The following LHX6 variants were observed in gnomAD, a reference collection of about 807,000 sequenced individuals.
LHX6 encodes the protein LIM/homeobox protein Lhx6.
LHX6 carries 15 observed loss-of-function variants against 47.1 expected under a neutral mutation model. That is an observed-to-expected ratio of 0.32 (90% CI 0.21 to 0.49). The LOEUF (loss-of-function observed/expected upper bound fraction) is 0.49, where lower values mean the gene tolerates loss of function less well. Ranked by LOEUF, LHX6 falls within the 20% of genes least tolerant of loss-of-function variation. The pLI, the probability that LHX6 is intolerant of heterozygous loss-of-function variation, is 0.99. For missense variants in LHX6, 404 were observed against 539.6 expected (o/e 0.75, Z 2.49); for synonymous variants, 242 against 233.5 (o/e 1.04, Z -0.33).
Position 122,228,819 on chromosome 9 carries a change from G to A in LHX6, c.-79C>T. 2.0e-6 allele frequency: 2 copies of A among 1,007,656 alleles called. No homozygotes were observed. Among genetic ancestry groups the A allele is most frequent in the Non-Finnish European group, 2.5e-6 (2 of 790,896 alleles). The allele number at this position is 1,007,656 out of a possible 1,614,324, so 62.4% of individuals were successfully genotyped here. Reference sequence around the variant, plus strand: ...GGGGACCACAGCCGCAGTGGGAGCAGAGGCTGCTGCAGGAGCAGGAGGAGA... The same window carrying A: ...GGGGACCACAGCCGCAGTGGGAGCAAAGGCTGCTGCAGGAGCAGGAGGAGA... On this transcript the variant is annotated 5_prime_UTR_variant, in exon 1 of 10. Coordinates refer to ENST00000394319, the MANE Select transcript of LHX6 (RefSeq NM_014368.5).
rs1043100017 is a variant in LHX6 at position 122,228,835 on chromosome 9, CAGG to C, written c.-98_-96del. On this transcript the variant is annotated 5_prime_UTR_variant, in exon 1 of 10. Transcript: ENST00000394319. ...GTGGGAGCAGAGGCTGCTGCAGGAG[CAGG>C]AGGAGAGCCGAGGCGCCGGCCCCGC... 3.4e-5 allele frequency: 30 copies of C among 870,106 alleles called. No individual in the cohort carries two copies. The African/African-American group carries it at 4.1e-4, about 12-fold the overall frequency. The allele number at this position is 870,106 out of a possible 1,614,324, so 53.9% of individuals were successfully genotyped here.
Position 122,203,060 on chromosome 9 carries a change from C to G in LHX6, c.*1700G>C, listed in dbSNP as rs1245372935. The G allele has an allele frequency of 1.3e-5, 2 of 152,672 alleles. No homozygotes were observed. Among genetic ancestry groups the G allele is most frequent in the Non-Finnish European group, 2.9e-5 (2 of 68,054 alleles). 9.5% of individuals were successfully genotyped at this position (152,672 alleles called of 1,614,324 possible). Reference sequence around the variant, plus strand: ...AGGGCTGGGCACAAGTTACCACTGACTGAGTGCTGAGCTGAGCTGTACTCA... The same window carrying G: ...AGGGCTGGGCACAAGTTACCACTGAGTGAGTGCTGAGCTGAGCTGTACTCA... On this transcript the variant is annotated 3_prime_UTR_variant, in exon 10 of 10. Coordinates refer to ENST00000394319, the MANE Select transcript of LHX6 (RefSeq NM_014368.5).
rs776800689 is a variant in LHX6, at chr9:122,226,474, C to T, written c.363G>A (p.Val121=). The T allele has an allele frequency of 3.7e-6, 6 of 1,613,566 alleles. No individual in the cohort carries two copies. The South Asian group carries it at 4.4e-5, about 12-fold the overall frequency. ...LLKVNNLIWH[V]RCLECSVCRT... is the part of the protein sequence containing the mutation. ...GACACACGGAGCACTCGAGGCACCGCACGTGCCAGATGAGGTTGTTGACCT... is the reference window on the plus strand; with the variant it reads ...GACACACGGAGCACTCGAGGCACCGTACGTGCCAGATGAGGTTGTTGACCT... The change falls in exon 4 of 10, where the codon GTG becomes GTA. Residue 121 remains valine (V), a synonymous_variant. Transcript: ENST00000394319. The surrounding 1 kb of genome is among the most constrained non-coding windows in gnomAD (Gnocchi z 6.5).
In LHX6 at chr9:122,217,412, G is replaced by T; in HGVS notation, c.462-124C>A. 1 of 707,676 alleles carries T rather than the reference G, an allele frequency of 1.4e-6. No individual in the cohort carries two copies. The highest frequency in any genetic ancestry group is 2.4e-6 in the Non-Finnish European group (1 of 424,226). The allele number at this position is 707,676 out of a possible 1,614,324, so 43.8% of individuals were successfully genotyped here. A position where few individuals can be genotyped will look rare whatever the true frequency, so the allele number is the denominator to read the frequency against. On this transcript the variant is annotated intron_variant, in intron 4 of 9. Coordinates refer to ENST00000394319, the MANE Select transcript of LHX6 (RefSeq NM_014368.5). This position sits in a 1 kb window ranked among gnomAD's most constrained non-coding sequence, Gnocchi z 4.9. ...CTCTAAGTCTTCAACTCAGGCATTA[G>T]CCTTAGCTTGGACGCAACAACACTC...
At chr9:122,221,873 G>A (rs1374033912) in intron 4 of LHX6, 1 of 236,278 alleles carries the variant, frequency 4.2e-6, no homozygotes, top group East Asian at 1.8e-4. Context: ...TAGGGGCAGG[G>A]ATGGCGGAGC....
At chr9:122,204,907 C>A in intron 9 of LHX6, 127 bp from the exon 10 acceptor site, 1 of 551,826 alleles carries the variant, frequency 1.8e-6, no homozygotes. Flanking sequence ...TAAATCCTGG[C>A]TCTGTCAACT....
At chr9:122,205,298 G>A (rs1430534237) in intron 9 of LHX6, among the ~76,000 whole-genome samples, 1 of 152,214 alleles carries the variant, frequency 6.6e-6, no homozygotes, top group Non-Finnish European at 1.5e-5. Flanking sequence ...GACCATAGTG[G>A]CTGACTGCTT....
intron 5 of LHX6, among the ~76,000 whole-genome samples, chr9:122,215,062 T>C (rs1281716804): frequency 1.3e-5 from 2 of 152,232 alleles, no homozygotes; most frequent in African/African-American, 4.8e-5. Context: ...ACACTAACCA[T>C]ATTCCCATTT....
chr9:122,224,692 T>G (rs894172822), intron 4 of LHX6, among the ~76,000 whole-genome samples: 8 of 151,992 alleles, frequency 5.3e-5, no homozygotes, highest in African/African-American at 1.5e-4. Context: ...CTCACCACTT[T>G]GCGTGCACGT....
intron 4 of LHX6, among the ~76,000 whole-genome samples, chr9:122,225,998 C>T (rs895180645): frequency 3.9e-5 from 6 of 152,190 alleles, no homozygotes. Flanking sequence ...ACTGGAAATG[C>T]AGCCGGACGA....
chr9:122,224,332 CAT>C (rs1564445553), intron 4 of LHX6, among the ~76,000 whole-genome samples: 1 of 152,162 alleles, frequency 6.6e-6, no homozygotes, highest in African/African-American at 2.4e-5. Flanking sequence ...GCCCATCTGG[CAT>C]GTTTTATACC....
chr9:122,214,506 G>A lies in LHX6; in HGVS notation c.683-123C>T. The A allele has an allele frequency of 3.7e-6, 5 of 1,337,990 alleles. No individual in the cohort carries two copies. Among genetic ancestry groups the A allele is most frequent in the Non-Finnish European group, 4.9e-6 (5 of 1,030,152 alleles). 82.9% of individuals were successfully genotyped at this position (1,337,990 alleles called of 1,614,324 possible). A position where few individuals can be genotyped will look rare whatever the true frequency, so the allele number is the denominator to read the frequency against. ...GGAGCGGGAGTTGGCTGGGAGCAGG[G>A]ATCCCAGGGTCCTAGTCCCTGAGCT... is the stretch of plus-strand genomic sequence containing the variant. On this transcript the variant is annotated intron_variant, in intron 5 of 9. Coordinates refer to ENST00000394319, the MANE Select transcript of LHX6 (RefSeq NM_014368.5). The surrounding 1 kb of genome is among the most constrained non-coding windows in gnomAD (Gnocchi z 4.6).
At chr9:122,224,233 G>A (rs1356992772) in intron 4 of LHX6, among the ~76,000 whole-genome samples, 1 of 152,036 alleles carries the variant, frequency 6.6e-6, no homozygotes, top group Non-Finnish European at 1.5e-5. Flanking sequence ...CACCATGTTG[G>A]CCAGGATGGT....
chr9:122,214,385 T>G lies in LHX6; in HGVS notation c.683-2A>C. ...CCCCCTCCAACGTGAGGCCGTTCCC[T>G]GGGGGCGATAGAAGCAGCTGACCAC... On this transcript the variant is annotated splice_acceptor_variant, in intron 5 of 9. Transcript: ENST00000394319. LOFTEE classifies it high-confidence loss of function. The surrounding 1 kb of genome is among the most constrained non-coding windows in gnomAD (Gnocchi z 4.6). 1 of 1,561,398 alleles carries G rather than the reference T, an allele frequency of 6.4e-7. No individual in the cohort carries two copies. The highest frequency in any genetic ancestry group is 8.6e-7 in the Non-Finnish European group (1 of 1,158,750).
intron 9 of LHX6, among the ~76,000 whole-genome samples, chr9:122,208,123 C>T (rs1354730563): frequency 1.3e-5 from 2 of 152,148 alleles, no homozygotes; most frequent in Admixed American, 1.3e-4. Context: ...CCCCACACTG[C>T]CGCAGCATAA....
Position 122,202,882 on chromosome 9 carries a change from TG to T in LHX6, c.*1877del, listed in dbSNP as rs1830040080. The T allele has an allele frequency of 6.6e-6, 1 of 152,528 alleles. No homozygotes were observed. The highest frequency in any genetic ancestry group is 1.5e-5 in the Non-Finnish European group (1 of 68,040). 9.4% of individuals were successfully genotyped at this position (152,528 alleles called of 1,614,324 possible). A position where few individuals can be genotyped will look rare whatever the true frequency, so the allele number is the denominator to read the frequency against. On this transcript the variant is annotated 3_prime_UTR_variant, in exon 10 of 10. Coordinates refer to ENST00000394319, the MANE Select transcript of LHX6 (RefSeq NM_014368.5). ...CTGAGGAGAGGCTCAAGGCAGAGTG[TG>T]TTGGGTGACCCTGGGTAGGGCTTGG...
chr9:122,222,268 G>A (rs544508521), intron 4 of LHX6, among the ~76,000 whole-genome samples: 16 of 152,272 alleles, frequency 1.1e-4, no homozygotes, highest in Admixed American at 9.8e-4. Flanking sequence ...TATGGTTGTC[G>A]GTAGCAGGGG....
chr9:122,222,212 G>A (rs990277446), intron 4 of LHX6, among the ~76,000 whole-genome samples: 2 of 152,184 alleles, frequency 1.3e-5, no homozygotes, highest in African/African-American at 2.4e-5. Context: ...ACTGCAGATC[G>A]GGCCATGCCC....
Position 122,213,596 on chromosome 9 carries a change from G to C in LHX6, c.1054+10C>G. 6.4e-7 allele frequency: 1 copy of C among 1,557,256 alleles called. No individual in the cohort carries two copies. The highest frequency in any genetic ancestry group is 8.7e-7 in the Non-Finnish European group (1 of 1,153,594). The stretch of plus-strand genomic sequence containing the variant: ...CAGGCCCAGCGGCTCCCGGCGCTGC[G>C]GTTACTTACTCTCAATGTAGCCGTG... On this transcript the variant is annotated intron_variant, in intron 8 of 9. Transcript: ENST00000394319. The surrounding 1 kb of genome is among the most constrained non-coding windows in gnomAD (Gnocchi z 5.5).
Sources: allele counts gnomAD v4.1 joint callset (sites outside exome capture counted in the v4.1 genomes callset), GRCh38; gene constraint gnomAD v4.1.1; non-coding constraint Gnocchi (gnomAD v3.1); transcripts MANE v1.5; gene names NCBI Gene and HGNC (gene_info 2026-07-23, HGNC 2026-07-21).